ASTN2: variants seen among roughly 807,000 people sequenced by gnomAD.
ASTN2 encodes the protein astrotactin 2, also known as astrotactin-2.
A neutral mutation model predicts 139.8 loss-of-function variants in ASTN2; 54 were observed. That is an observed-to-expected ratio of 0.39 (90% CI 0.31 to 0.48). ASTN2 has a LOEUF of 0.48. ASTN2 is among the 20% of genes least tolerant of loss of function. The probability of loss-of-function intolerance (pLI) is 0.95; values close to 1 mark genes in which losing one functional copy is unlikely to be tolerated. For missense variants in ASTN2, 1,565 were observed against 1,725.1 expected, an observed-to-expected ratio of 0.91 and a Z score of 1.64; for synonymous variants, 756 against 719.5, an observed-to-expected ratio of 1.05 and a Z score of -0.81.
At chr9:116,810,843 T>C (rs1297812316) in intron 12 of ASTN2, among the ~76,000 whole-genome samples, 1 of 152,192 alleles carries the variant, frequency 6.6e-6, no homozygotes, top group African/African-American at 2.4e-5. Flanking sequence ...TTTTCAGTTG[T>C]AGATATTTAG....
rs140045652 is a variant in ASTN2, at chr9:116,459,345, G to A, written c.3498-16792C>T. Among the ~76,000 whole-genome samples the A allele has an allele frequency of 3.0e-3, 451 of 152,126 alleles. 1 individual carries two copies. The highest frequency in any genetic ancestry group is 5.3e-3 in the Non-Finnish European group (357 of 67,912). ...ATAAGAGAAAATCTTTAAGACCTTG[G>A]ATTAGGCAGTAGTTTTCTTGGATAT... On this transcript the variant is annotated intron_variant, in intron 20 of 22. Transcript: ENST00000313400.
At chr9:116,725,117 G>T (rs567455227) in intron 16 of ASTN2, among the ~76,000 whole-genome samples, 1 of 152,174 alleles carries the variant, frequency 6.6e-6, no homozygotes, top group South Asian at 2.1e-4. Flanking sequence ...AGCTACTTAC[G>T]TACCCATTTC....
In ASTN2 at chr9:116,868,448, G is replaced by GT. The variant is rs1398293570; in HGVS notation, c.1890-4716dup. Among the ~76,000 whole-genome samples the GT allele has an allele frequency of 5.9e-5, 9 of 152,116 alleles. No homozygotes were observed. In the East Asian group the frequency reaches 1.5e-3, roughly 26 times the overall value. ...CAGAGCCCTCCTAACAGTAAGGCCC[G>GT]TAAGAATGTGTGTTCAATCTCTCTG... is the stretch of plus-strand genomic sequence containing the variant. On this transcript the variant is annotated intron_variant, in intron 10 of 22. Transcript: ENST00000313400.
At chr9:116,771,917 C>T (rs2132186606) in intron 13 of ASTN2, among the ~76,000 whole-genome samples, 1 of 152,322 alleles carries the variant, frequency 6.6e-6, no homozygotes, top group African/African-American at 2.4e-5. Context: ...GATGAGGACT[C>T]TACATCAGTG....
At chr9:116,911,294 C>T (rs950778363) in intron 10 of ASTN2, among the ~76,000 whole-genome samples, 1 of 152,132 alleles carries the variant, frequency 6.6e-6, no homozygotes, top group Non-Finnish European at 1.5e-5. Context: ...TCCATTGACA[C>T]ACAGCTGGTA....
chr9:117,352,533 T>C lies in ASTN2; in HGVS notation c.443-61020A>G, dbSNP rs545605210. On this transcript the variant is annotated intron_variant, in intron 1 of 22. Transcript: ENST00000313400. ...TTGTTGAGCTTCCAATGCACAGGGATTGAGGCACCAAGGGATAGTAGACAG... is the reference window on the plus strand; with the variant it reads ...TTGTTGAGCTTCCAATGCACAGGGACTGAGGCACCAAGGGATAGTAGACAG... 2.6e-5 allele frequency among the ~76,000 whole-genome samples: 4 copies of C among 152,262 alleles called. No homozygotes were observed. The South Asian group carries it at 6.2e-4, about 24-fold the overall frequency.
chr9:116,901,288 G>T (rs1159399356), intron 10 of ASTN2, among the ~76,000 whole-genome samples: 2 of 152,070 alleles, frequency 1.3e-5, no homozygotes, highest in Non-Finnish European at 2.9e-5. Flanking sequence ...GAGGTGGGAG[G>T]ATCCTTTGAG....
intron 11 of ASTN2, among the ~76,000 whole-genome samples, chr9:116,823,813 T>C (rs1030069637): frequency 3.3e-5 from 5 of 152,192 alleles, no homozygotes; most frequent in Admixed American, 3.3e-4. Context: ...GTACATGAAG[T>C]GGGTTTACCA....
At chr9:116,657,702 C>T (rs1238701721) in intron 16 of ASTN2, among the ~76,000 whole-genome samples, 1 of 152,088 alleles carries the variant, frequency 6.6e-6, no homozygotes, top group African/African-American at 2.4e-5. Flanking sequence ...TTAGCTGGGC[C>T]TGTTGGCACA....
At chr9:116,516,453 G>A (rs1850653486) in intron 19 of ASTN2, among the ~76,000 whole-genome samples, 1 of 152,122 alleles carries the variant, frequency 6.6e-6, no homozygotes. Context: ...TGATCATTAT[G>A]ATAATAAATA....
chr9:117,033,175 T>C (rs1383469423), intron 6 of ASTN2, among the ~76,000 whole-genome samples: 1 of 152,108 alleles, frequency 6.6e-6, no homozygotes, highest in East Asian at 1.9e-4. Flanking sequence ...TTTTAAAATT[T>C]ACAGTTTGAT....
At chr9:116,603,896 G>A (rs1452187927) in intron 19 of ASTN2, among the ~76,000 whole-genome samples, 1 of 152,182 alleles carries the variant, frequency 6.6e-6, no homozygotes, top group East Asian at 1.9e-4. Flanking sequence ...CAGGCGAGGG[G>A]TTGATAGTCT....
At chr9:117,356,801 C>T (rs7870073) in intron 1 of ASTN2, among the ~76,000 whole-genome samples, 8 of 152,138 alleles carry the variant, frequency 5.3e-5, no homozygotes, top group African/African-American at 1.4e-4. Flanking sequence ...CAGTGGCTCA[C>T]GCCTGTAATC....
At chr9:116,743,646 C>G (rs2132141957) in intron 13 of ASTN2, among the ~76,000 whole-genome samples, 1 of 152,156 alleles carries the variant, frequency 6.6e-6, no homozygotes, top group East Asian at 2.0e-4. Flanking sequence ...GCTGGGATTA[C>G]AGGGGTGTGC....
intron 16 of ASTN2, among the ~76,000 whole-genome samples, chr9:116,685,015 T>C (rs1860112859): frequency 6.6e-6 from 1 of 152,200 alleles, no homozygotes; most frequent in African/African-American, 2.4e-5. Flanking sequence ...GCCTGGGTAC[T>C]AGATTGCCTT....
intron 10 of ASTN2, among the ~76,000 whole-genome samples, chr9:116,946,956 C>CAAAAA (rs1835417302): frequency 9.2e-6 from 1 of 108,166 alleles, no homozygotes; most frequent in African/African-American, 3.8e-5. Flanking sequence ...AAAAAACAAC[C>CAAAAA]CAGATTGTCT....
At chr9:117,216,017 A>G (rs1194841370) in intron 2 of ASTN2, among the ~76,000 whole-genome samples, 2 of 152,170 alleles carry the variant, frequency 1.3e-5, no homozygotes, top group South Asian at 2.1e-4. Context: ...TAGAGCCTAT[A>G]TTCTTTCAAT....
chr9:116,942,998 C>T (rs963497968), intron 10 of ASTN2, among the ~76,000 whole-genome samples: 2 of 152,190 alleles, frequency 1.3e-5, no homozygotes, highest in Non-Finnish European at 2.9e-5. Flanking sequence ...CAGCACATTT[C>T]CACTGAGGGG....
At chr9:117,054,867 G>A (rs1839013562) in intron 5 of ASTN2, among the ~76,000 whole-genome samples, 1 of 152,200 alleles carries the variant, frequency 6.6e-6, no homozygotes, top group East Asian at 1.9e-4. Context: ...ACTGCAGGAG[G>A]TGGGGGAGTA....
Sources: gnomAD v4.1 joint callset for allele counts (sites outside exome capture counted in the v4.1 genomes callset) on GRCh38, gnomAD v4.1.1 for gene constraint, MANE v1.5 for transcripts, NCBI Gene and HGNC (gene_info 2026-07-23, HGNC 2026-07-21) for gene names.